Variants in CCDC149 observed in about 807,000 individuals in gnomAD.
CCDC149 encodes the protein coiled-coil domain-containing protein 149.
Under a neutral mutation model 59.9 loss-of-function variants are expected in CCDC149, and 45 were observed. The ratio of observed to expected loss-of-function variants is 0.75; its 90% CI spans 0.59 to 0.96. The LOEUF is 0.96. Among genes scored for constraint, CCDC149 ranks in the 40% least tolerant of loss-of-function variants. The probability of loss-of-function intolerance (pLI) is 0.00; values close to 1 mark genes in which losing one functional copy is unlikely to be tolerated. For synonymous variants in CCDC149, 245 were observed against 260.6 expected (o/e 0.94, Z 0.58); for missense variants, 584 against 664.7 (o/e 0.88, Z 1.33).
intron 12 of CCDC149, among the ~76,000 whole-genome samples, chr4:24,810,214 A>T (rs955050505): frequency 4.6e-5 from 7 of 152,214 alleles, no homozygotes; most frequent in Non-Finnish European, 1.0e-4. Context: ...CTCATTCTAA[A>T]TTTAAGTCCA....
intron 1 of CCDC149, among the ~76,000 whole-genome samples, chr4:24,919,126 G>C (rs962498103): frequency 2.0e-5 from 3 of 152,116 alleles, no homozygotes; most frequent in African/African-American, 7.2e-5. Context: ...TTGTTTCCAC[G>C]ATACAGGAAA....
At chr4:24,908,764 T>C (rs1406626733) in intron 1 of CCDC149, among the ~76,000 whole-genome samples, 1 of 152,218 alleles carries the variant, frequency 6.6e-6, no homozygotes, top group Non-Finnish European at 1.5e-5. Context: ...TGGTTAACTG[T>C]CTTCTGCCTC....
intron 1 of CCDC149, among the ~76,000 whole-genome samples, chr4:24,956,592 G>A (rs1038455875): frequency 9.9e-5 from 15 of 152,134 alleles, no homozygotes; most frequent in Admixed American, 8.5e-4. Context: ...GGCCCAGTGA[G>A]CGAGAAGTAC....
chr4:24,894,679 C>A (rs1243053529), intron 1 of CCDC149, among the ~76,000 whole-genome samples: 1 of 151,682 alleles, frequency 6.6e-6, no homozygotes, highest in Non-Finnish European at 1.5e-5. Flanking sequence ...AACACCAGAG[C>A]AAAAGTATGT....
chr4:24,919,596 AT>A, intron 1 of CCDC149, among the ~76,000 whole-genome samples: 1 of 152,354 alleles, frequency 6.6e-6, no homozygotes, highest in East Asian at 1.9e-4. Flanking sequence ...TGTGGAAAGC[AT>A]GAATGGGTGA....
chr4:24,966,529 G>C (rs1723809169), intron 1 of CCDC149, among the ~76,000 whole-genome samples: 1 of 152,140 alleles, frequency 6.6e-6, no homozygotes, highest in African/African-American at 2.4e-5. Flanking sequence ...GGGATGTAAA[G>C]AAGGGGAAGA....
intron 1 of CCDC149, among the ~76,000 whole-genome samples, chr4:24,895,829 C>A (rs1020835851): frequency 7.2e-5 from 11 of 152,242 alleles, no homozygotes; most frequent in East Asian, 3.8e-4. Context: ...TCAGGATGAC[C>A]TGACCCCACT....
intron 3 of CCDC149, among the ~76,000 whole-genome samples, chr4:24,868,971 C>G (rs1718861122): frequency 6.6e-6 from 1 of 152,198 alleles, no homozygotes; most frequent in African/African-American, 2.4e-5. Flanking sequence ...CCGCACACGG[C>G]TATGTGAGAG....
chr4:24,886,688 A>C (rs2109273649), intron 1 of CCDC149, among the ~76,000 whole-genome samples: 1 of 152,284 alleles, frequency 6.6e-6, no homozygotes, highest in Admixed American at 6.5e-5. Flanking sequence ...AATGGTGATC[A>C]TTCAATAATA....
intron 12 of CCDC149, among the ~76,000 whole-genome samples, chr4:24,809,346 T>A (rs182389835): frequency 6.6e-6 from 1 of 152,188 alleles, no homozygotes; most frequent in Non-Finnish European, 1.5e-5. Context: ...ATAAATTATA[T>A]GCAAATACAC....
rs1254438808 is a variant in CCDC149 at position 24,856,812 on chromosome 4, G to T, written c.265-3633C>A. On this transcript the variant is annotated intron_variant, in intron 3 of 12. Coordinates refer to ENST00000635206, the MANE Select transcript of CCDC149 (RefSeq NM_001330643.2). ...CCACGGAACTCCAGAACATTCCCCA[G>T]ACATTAGCTCATTGATCCTTTTCCC... Among the ~76,000 whole-genome samples the T allele has an allele frequency of 2.6e-5, 4 of 152,194 alleles. No homozygotes were observed. In the East Asian group the frequency reaches 7.7e-4, roughly 29 times the overall value.
At chr4:24,931,829 G>GTATATATATGTATGTATATATA (rs60585956) in intron 1 of CCDC149, among the ~76,000 whole-genome samples, 2 of 76,908 alleles carry the variant, frequency 2.6e-5, no homozygotes. Flanking sequence ...TGGAGAGTAT[G>GTATATATATGTATGTATATATA]TATATATATA....
chr4:24,873,479 T>C (rs929369028), intron 3 of CCDC149, among the ~76,000 whole-genome samples: 1 of 152,206 alleles, frequency 6.6e-6, no homozygotes, highest in Non-Finnish European at 1.5e-5. Flanking sequence ...TCAACTGGTG[T>C]ACCTCCCCCA....
chr4:24,889,539 G>A (rs1439716926), intron 1 of CCDC149, among the ~76,000 whole-genome samples: 1 of 152,130 alleles, frequency 6.6e-6, no homozygotes, highest in Non-Finnish European at 1.5e-5. Flanking sequence ...CCCTCTCTTT[G>A]CCATCCAGGT....
chr4:24,934,582 T>A (rs1464887078), intron 1 of CCDC149, among the ~76,000 whole-genome samples: 1 of 152,204 alleles, frequency 6.6e-6, no homozygotes, highest in Non-Finnish European at 1.5e-5. Context: ...AGATATGGAC[T>A]CCACTTTCTA....
chr4:24,969,858 G>T (rs182732992), intron 1 of CCDC149, among the ~76,000 whole-genome samples: 3 of 152,224 alleles, frequency 2.0e-5, no homozygotes, highest in Non-Finnish European at 4.4e-5. Flanking sequence ...TCCCTTGGGG[G>T]AGGGCCTACA....
chr4:24,956,433 C>T (rs1400601242), intron 1 of CCDC149, among the ~76,000 whole-genome samples: 4 of 152,076 alleles, frequency 2.6e-5, no homozygotes, highest in Admixed American at 6.5e-5. Context: ...GCCATTCCTG[C>T]GAGAGCTAAA....
rs180741946 is a variant in CCDC149 at position 24,837,287 on chromosome 4, A to G, written c.603T>C (p.His201=). ...TGCGGTTCTCGTGCCCACTCAGGATATGGTTCAGCTCCTGGTTGAGCCTCT... is the reference window on the plus strand; with the variant it reads ...TGCGGTTCTCGTGCCCACTCAGGATGTGGTTCAGCTCCTGGTTGAGCCTCT... Residue 201 remains histidine (H), a synonymous_variant, in exon 6 of 13, where the codon CAT becomes CAC. Transcript: ENST00000635206. The surrounding 1 kb of genome is among the most constrained non-coding windows in gnomAD (Gnocchi z 4.3). 9 of 1,614,188 alleles carry G rather than the reference A, an allele frequency of 5.6e-6. No individual in the cohort carries two copies. The Admixed American group carries it at 1.3e-4, about 24-fold the overall frequency.
At position 24,922,918 on chromosome 4, in the gene CCDC149, C is replaced by CT. The variant is rs1032301372; in HGVS notation, c.-64-27801dup. 1.4e-3 allele frequency among the ~76,000 whole-genome samples: 208 copies of CT among 148,056 alleles called. 1 individual carries two copies. Among genetic ancestry groups the CT allele is most frequent in the Middle Eastern group, 3.5e-3 (1 of 286 alleles). On this transcript the variant is annotated intron_variant, in intron 1 of 12. Coordinates refer to the CCDC149 transcript ENST00000389609. ...CAATTTATTTTTCCCCTTAGATTTT[C>CT]TTTTTTTTTTATTGATTTTCCATTT...
Sources: allele counts gnomAD v4.1 joint callset (sites outside exome capture counted in the v4.1 genomes callset), GRCh38; gene constraint gnomAD v4.1.1; non-coding constraint Gnocchi (gnomAD v3.1); transcripts MANE v1.5; gene names NCBI Gene and HGNC (gene_info 2026-07-23, HGNC 2026-07-21).